Variants in PCDHGB3 observed in about 807,000 individuals in gnomAD.
The protein encoded by PCDHGB3 is protocadherin gamma subfamily B, 3.
PCDHGB3 carries 40 observed loss-of-function variants against 59.2 expected under a neutral mutation model. The ratio of observed to expected loss-of-function variants is 0.68; its 90% CI spans 0.52 to 0.88. The LOEUF (loss-of-function observed/expected upper bound fraction) is 0.88, where lower values mean the gene tolerates loss of function less well. Ranked by LOEUF, PCDHGB3 falls within the 40% of genes least tolerant of loss-of-function variation. The pLI is 0.00. For missense variants in PCDHGB3, 1,309 were observed against 1,187.9 expected, an observed-to-expected ratio of 1.10 and a Z score of -1.50; for synonymous variants, 581 against 503.6, an observed-to-expected ratio of 1.15 and a Z score of -2.06.
chr5:141,384,837 C>T, intron 1 of PCDHGB3: 1 of 1,613,562 alleles, frequency 6.2e-7, no homozygotes, highest in Non-Finnish European at 8.5e-7. Flanking sequence ...TGGTGGCCGT[C>T]CAGGACCACG....
rs113648128 is a variant in PCDHGB3, at chr5:141,491,811, C to T, written c.2416-2996C>T. ...CACTCCTCTCCGGCCGGCTTGGTCG[C>T]TGGCTGCGCTCCACCCGATTCTCGG... On this transcript the variant is annotated intron_variant, in intron 1 of 3. Transcript: ENST00000576222. The surrounding 1 kb of genome is among the most constrained non-coding windows in gnomAD (Gnocchi z 6.9). 6.7e-7 allele frequency: 1 copy of T among 1,487,262 alleles called. No homozygotes were observed. The highest frequency in any genetic ancestry group is 1.4e-5 in the African/African-American group (1 of 70,544). 92.1% of individuals were successfully genotyped at this position (1,487,262 alleles called of 1,614,324 possible).
Position 141,490,810 on chromosome 5 carries a change from T to C in PCDHGB3, c.2416-3997T>C, listed in dbSNP as rs2099704652. On this transcript the variant is annotated intron_variant, in intron 1 of 3. Transcript: ENST00000576222. This position sits in a 1 kb window ranked among gnomAD's most constrained non-coding sequence, Gnocchi z 5.4. ...GATCTTTGCCCAGCGTACCTTTGAC[T>C]ATGAATTGCTGCAGATGCTGCAGAT... 1 of 1,613,936 alleles carries C rather than the reference T, an allele frequency of 6.2e-7. No individual in the cohort carries two copies. Among genetic ancestry groups the C allele is most frequent in the Non-Finnish European group, 8.5e-7 (1 of 1,179,884 alleles).
chr5:141,409,751 C>G lies in PCDHGB3; in HGVS notation c.2415+36942C>G, dbSNP rs774810318. The G allele has an allele frequency of 1.5e-5, 25 of 1,613,000 alleles. No homozygotes were observed. In the Admixed American group the frequency reaches 4.0e-4, roughly 26 times the overall value. The stretch of plus-strand genomic sequence containing the variant: ...CGCGCAGAGCGGGGTGGTGTTCGCG[C>G]AGCGCGCCTTTGATCACGAGCAGCT... On this transcript the variant is annotated intron_variant, in intron 1 of 3. Coordinates refer to ENST00000576222, the MANE Select transcript of PCDHGB3 (RefSeq NM_018924.5).
intron 1 of PCDHGB3, among the ~76,000 whole-genome samples, chr5:141,484,306 C>T (rs1009067603): frequency 6.6e-6 from 1 of 152,184 alleles, no homozygotes; most frequent in African/African-American, 2.4e-5. Context: ...GCTTCCTCCA[C>T]CCCGCTTCCA....
chr5:141,421,869 A>G lies in PCDHGB3; in HGVS notation c.2415+49060A>G, dbSNP rs200015978. 1.5e-5 allele frequency: 24 copies of G among 1,613,732 alleles called. No individual in the cohort carries two copies. The African/African-American group carries it at 3.1e-4, about 21-fold the overall frequency. ...AGGCTGCTCACCTGCTCCTCCTCAC[A>G]GCTTTAGATGGAGGCGATCCCATCC... On this transcript the variant is annotated intron_variant, in intron 1 of 3. Transcript: ENST00000576222.
intron 2 of PCDHGB3, among the ~76,000 whole-genome samples, chr5:141,499,937 C>T (rs1257575594): frequency 6.6e-6 from 1 of 152,082 alleles, no homozygotes; most frequent in Non-Finnish European, 1.5e-5. Context: ...ATCCACCCTC[C>T]TCGGCCTCCC....
At chr5:141,497,742 T>C (rs2099779149) in intron 2 of PCDHGB3, among the ~76,000 whole-genome samples, 1 of 152,128 alleles carries the variant, frequency 6.6e-6, no homozygotes, top group South Asian at 2.1e-4. Context: ...TTTCGCCACG[T>C]TGGCCAGGCT....
intron 1 of PCDHGB3, among the ~76,000 whole-genome samples, chr5:141,472,280 A>G (rs988007394): frequency 6.6e-6 from 1 of 152,276 alleles, no homozygotes; most frequent in African/African-American, 2.4e-5. Context: ...AGTGGCTCAC[A>G]CCTGTAATCC....
intron 1 of PCDHGB3, chr5:141,403,212 CG>C (rs1561686781): frequency 6.2e-7 from 1 of 1,613,952 alleles, no homozygotes; most frequent in African/African-American, 1.3e-5. Context: ...TTGGTCACCG[CG>C]GGTAGGATAG....
In PCDHGB3 at chr5:141,501,310, C is replaced by T. The variant is rs958976594; in HGVS notation, c.2475-4083C>T. ...CCTTATACACACACACACACACACA[C>T]ACACACACACACACACACACACACC... On this transcript the variant is annotated intron_variant, in intron 2 of 3. Transcript: ENST00000576222. Among the ~76,000 whole-genome samples, 4 of 151,684 alleles carry T rather than the reference C, an allele frequency of 2.6e-5. No individual in the cohort carries two copies. The South Asian group carries it at 8.3e-4, about 32-fold the overall frequency.
At chr5:141,385,268 C>CTT (rs1561607550) in intron 1 of PCDHGB3, 1 of 1,613,616 alleles carries the variant, frequency 6.2e-7, no homozygotes, top group Non-Finnish European at 8.5e-7. Context: ...AAAAATGATT[C>CTT]TTTGCTAACA....
intron 1 of PCDHGB3, chr5:141,374,320 G>T (rs1425393222): frequency 1.2e-6 from 2 of 1,613,960 alleles, no homozygotes; most frequent in Admixed American, 3.3e-5. Context: ...CTCTGAATCC[G>T]CGAAACGGCA....
Position 141,403,639 on chromosome 5 carries a change from T to C in PCDHGB3, c.2415+30830T>C, listed in dbSNP as rs377402370. On this transcript the variant is annotated intron_variant, in intron 1 of 3. Coordinates refer to ENST00000576222, the MANE Select transcript of PCDHGB3 (RefSeq NM_018924.5). ...GTCGCTCCAGCACAGTGCGCATCCA[T>C]GTGACAGTGTTGGATACAAATGATA... 1.4e-4 allele frequency: 219 copies of C among 1,613,892 alleles called. 1 individual carries two copies. The East Asian group carries it at 4.5e-3, about 33-fold the overall frequency.
chr5:141,409,292 A>G, intron 1 of PCDHGB3: 1 of 1,614,012 alleles, frequency 6.2e-7, no homozygotes, highest in Admixed American at 1.7e-5. Flanking sequence ...ACCTCCAGGA[A>G]TGGTTGTTGC....
At chr5:141,458,386 G>A (rs1037969327) in intron 1 of PCDHGB3, among the ~76,000 whole-genome samples, 3 of 152,188 alleles carry the variant, frequency 2.0e-5, no homozygotes, top group African/African-American at 4.8e-5. Context: ...GAAGGAAGAC[G>A]CTCCCCCTTG....
intron 1 of PCDHGB3, chr5:141,376,469 G>A: frequency 6.2e-7 from 1 of 1,614,186 alleles, no homozygotes; most frequent in Non-Finnish European, 8.5e-7. Flanking sequence ...GATAACTCAG[G>A]ATTTACTTGA....
At position 141,512,630 on chromosome 5, in the gene PCDHGB3, G is replaced by C. The variant is rs1335322474; in HGVS notation, c.*1457G>C. On this transcript the variant is annotated 3_prime_UTR_variant, in exon 4 of 4. Transcript: ENST00000576222. ...GGGGCTGCCAGAGAACCCCAGACCT[G>C]CCCTTACAGTAGTGTAGCGCCCCCT... The C allele has an allele frequency of 6.5e-6, 1 of 152,888 alleles. No individual in the cohort carries two copies. Among genetic ancestry groups the C allele is most frequent in the Non-Finnish European group, 1.5e-5 (1 of 68,576 alleles). 9.5% of individuals were successfully genotyped at this position (152,888 alleles called of 1,614,324 possible).
chr5:141,432,722 T>G lies in PCDHGB3; in HGVS notation c.2415+59913T>G, dbSNP rs2097531915. 6.2e-7 allele frequency: 1 copy of G among 1,613,646 alleles called. No homozygotes were observed. Among genetic ancestry groups the G allele is most frequent in the African/African-American group, 1.3e-5 (1 of 74,900 alleles). ...CCAGGACCACGGCCAGCCCCCTCTC[T>G]CCGCCACTGTCACGCTCACCGTGGC... On this transcript the variant is annotated intron_variant, in intron 1 of 3. Coordinates refer to ENST00000576222, the MANE Select transcript of PCDHGB3 (RefSeq NM_018924.5). The surrounding 1 kb of genome is among the most constrained non-coding windows in gnomAD (Gnocchi z 6.0).
rs915039012 is a variant in PCDHGB3 at position 141,372,538 on chromosome 5, T to A, written c.2144T>A (p.Leu715Gln). The stretch of plus-strand genomic sequence containing the variant: ...GTGATTCTGGCAATCTCCCTGCGCC[T>A]GCGATGCTCCTCCAGACCCGCCACT... ...LAVILAISLR[L>Q]RCSSRPATEG... Residue 715 changes from leucine (L) to glutamine (Q), a missense_variant, in exon 1 of 4, where the codon CTG (leucine) becomes CAG (glutamine). Coordinates refer to ENST00000576222, the MANE Select transcript of PCDHGB3 (RefSeq NM_018924.5). The A allele has an allele frequency of 1.9e-6, 3 of 1,613,928 alleles. No homozygotes were observed. The African/African-American group carries it at 4.0e-5, about 22-fold the overall frequency.
Sources: allele counts gnomAD v4.1 joint callset (sites outside exome capture counted in the v4.1 genomes callset), GRCh38; gene constraint gnomAD v4.1.1; non-coding constraint Gnocchi (gnomAD v3.1); transcripts MANE v1.5; gene names NCBI Gene and HGNC (gene_info 2026-07-23, HGNC 2026-07-21).